NOP53: variants seen among roughly 807,000 people sequenced by gnomAD.
NOP53 encodes ribosome biogenesis protein NOP53.
Under a neutral mutation model 61.0 loss-of-function variants are expected in NOP53, and 40 were observed. That is an observed-to-expected ratio of 0.66 (90% CI 0.51 to 0.85). NOP53 has a LOEUF of 0.85. Among genes scored for constraint, NOP53 ranks in the 40% least tolerant of loss-of-function variants. The pLI, the probability that NOP53 is intolerant of heterozygous loss-of-function variation, is 0.00. For missense variants in NOP53, 689 were observed against 652.9 expected (o/e 1.06, Z -0.60); for synonymous variants, 308 against 289.5 (o/e 1.06, Z -0.65).
At chr19:47,751,470 C>A in intron 4 of NOP53, 50 bp from the exon 5 acceptor site, 1 of 1,423,100 alleles carries the variant, frequency 7.0e-7, no homozygotes, top group Non-Finnish European at 9.9e-7. Context: ...GCCTTTGGTG[C>A]CTCTTCCATG....
chr19:47,753,912 C>G (rs950133066), intron 6 of NOP53: 1 of 152,372 alleles, frequency 6.6e-6, no homozygotes, highest in Non-Finnish European at 1.5e-5. Flanking sequence ...CCCCGCAATT[C>G]CCTGTCTCGT....
chr19:47,749,299 C>T (rs559400056), intron 2 of NOP53, among the ~76,000 whole-genome samples: 10 of 152,054 alleles, frequency 6.6e-5, no homozygotes, highest in Non-Finnish European at 1.2e-4. Context: ...CGTGCTTTGG[C>T]GAGTGGGAAG....
intron 1 of NOP53, 38 bp downstream of exon 1, chr19:47,745,821 C>T (rs1019416918): frequency 1.5e-6 from 2 of 1,299,484 alleles, no homozygotes; most frequent in African/African-American, 1.6e-5. Context: ...GGGACGGTTC[C>T]TGCGCCCAGG....
At chr19:47,751,838 A>C (rs1599917122) in intron 5 of NOP53, among the ~76,000 whole-genome samples, 1 of 152,288 alleles carries the variant, frequency 6.6e-6, no homozygotes, top group East Asian at 1.9e-4. Context: ...ATGGTGGCTC[A>C]CGCCTGTAAT....
rs117322163 is a variant in NOP53 at position 47,751,782 on chromosome 19, T to G, written c.669+192T>G. ...CTGATCCTGGGAAGGTGGTCTCACCTTTCTGCAACCTATATCTTCCTCTAA... is the reference window on the plus strand; with the variant it reads ...CTGATCCTGGGAAGGTGGTCTCACCGTTCTGCAACCTATATCTTCCTCTAA... On this transcript the variant is annotated intron_variant, in intron 5 of 12. Transcript: ENST00000246802. Among the ~76,000 whole-genome samples, 815 of 152,248 alleles carry G rather than the reference T, an allele frequency of 5.4e-3. 6 individuals carry two copies. Among genetic ancestry groups the G allele is most frequent in the Non-Finnish European group, 9.6e-3 (650 of 68,020 alleles).
At chr19:47,748,670 G>A (rs138550342) in intron 2 of NOP53, among the ~76,000 whole-genome samples, 64 of 152,216 alleles carry the variant, frequency 4.2e-4, no homozygotes, top group South Asian at 1.9e-3. Context: ...GAGGTGGGGC[G>A]GATCACTTGA....
intron 2 of NOP53, among the ~76,000 whole-genome samples, chr19:47,749,148 A>G (rs1188812095): frequency 4.6e-5 from 7 of 151,672 alleles, no homozygotes; most frequent in Admixed American, 6.6e-5. Flanking sequence ...CCTGGGTTAC[A>G]AGACTCTGTC....
chr19:47,751,952 A>G (rs889251474), intron 5 of NOP53, among the ~76,000 whole-genome samples: 4 of 151,986 alleles, frequency 2.6e-5, no homozygotes, highest in African/African-American at 9.7e-5. Flanking sequence ...AAATACAAAA[A>G]AAAAATTAGC....
rs757576784 is a variant in NOP53 at position 47,750,276 on chromosome 19, G to C, written c.388G>C (p.Ala130Pro). The part of the protein sequence containing the change: ...LILENTSKVP[A>P]PKDVLAHQVP... ...CCTCGAGAACACATCCAAAGTCCCT[G>C]CCCCCAAAGAGTGAGTGTCCCAGCA... The change falls in exon 3 of 13, where the codon GCC (alanine) becomes CCC (proline). Residue 130 changes from alanine (A) to proline (P), a missense_variant. Physicochemically the swap from Ala to Pro is conservative, Grantham distance 27. Transcript: ENST00000246802. The C allele has an allele frequency of 6.3e-7, 1 of 1,596,978 alleles. No individual in the cohort carries two copies.
At chr19:47,746,598 C>T (rs944973330) in intron 1 of NOP53, 5 of 172,554 alleles carry the variant, frequency 2.9e-5, no homozygotes, top group East Asian at 3.5e-4. Context: ...AACTCCTGAC[C>T]TTAGGTGATC....
At position 47,754,564 on chromosome 19, in the gene NOP53, G is replaced by A. The variant is rs375712695; in HGVS notation, c.803G>A (p.Arg268Gln). 1.2e-4 allele frequency: 183 copies of A among 1,552,472 alleles called. 1 individual carries two copies. The South Asian group carries it at 1.8e-3, about 15-fold the overall frequency. Reference protein sequence around the residue: ...LSAAHEVELQRQKEAEKLERQ... With the variant: ...LSAAHEVELQQQKEAEKLERQ... The stretch of plus-strand genomic sequence containing the variant: ...GCGGCCCACGAGGTGGAGTTGCAGC[G>A]GCAGAAGGAGGCGGAGAAGCTGGAG... Residue 268 changes from arginine to glutamine, a missense_variant, in exon 7 of 13, where the codon CGG becomes CAG. By Grantham distance (43) the Arg-to-Gln change is conservative. Coordinates refer to ENST00000246802, the MANE Select transcript of NOP53 (RefSeq NM_015710.5). The surrounding 1 kb of genome is among the most constrained non-coding windows in gnomAD (Gnocchi z 4.2).
intron 12 of NOP53, 124 bp from the exon 13 acceptor site, chr19:47,756,875 G>A: frequency 1.3e-6 from 2 of 1,515,832 alleles, no homozygotes; most frequent in South Asian, 2.2e-5. Flanking sequence ...CCCAGAAGAG[G>A]CCCTGAAACC....
rs1182062781 is a variant in NOP53 at position 47,754,322 on chromosome 19, G to A, written c.766-205G>A. The A allele has an allele frequency of 1.6e-5, 9 of 577,506 alleles. No homozygotes were observed. The highest frequency in any genetic ancestry group is 1.9e-5 in the African/African-American group (1 of 53,378). 35.8% of individuals were successfully genotyped at this position (577,506 alleles called of 1,614,324 possible). A position where few individuals can be genotyped will look rare whatever the true frequency, so the allele number is the denominator to read the frequency against. On this transcript the variant is annotated intron_variant, in intron 6 of 12. Coordinates refer to ENST00000246802, the MANE Select transcript of NOP53 (RefSeq NM_015710.5). This position sits in a 1 kb window ranked among gnomAD's most constrained non-coding sequence, Gnocchi z 4.2. ...TGCAGGTCAGACTGCCTTCACAGAC[G>A]TGCAGAGCAGGTGTGAGGGCGAGGG...
intron 10 of NOP53, chr19:47,756,308 C>A: frequency 1.7e-6 from 1 of 588,642 alleles, no homozygotes. Context: ...CAGCCCACTT[C>A]CCGTGACTCC....
At chr19:47,756,953 T>TG (rs1568601464) in intron 12 of NOP53, 46 bp from the exon 13 acceptor site, 1 of 1,613,156 alleles carries the variant, frequency 6.2e-7, no homozygotes, top group Non-Finnish European at 8.5e-7. Flanking sequence ...GCAGGGGGTA[T>TG]GGGGCACCCT....
At chr19:47,750,858 T>C (rs758959347) in intron 3 of NOP53, 50 bp from the exon 4 acceptor site, 1 of 1,493,974 alleles carries the variant, frequency 6.7e-7, no homozygotes, top group East Asian at 2.4e-5. Flanking sequence ...CCTGCTGCCG[T>C]TCAGGCTGCC....
rs1426611076 is a variant in NOP53, at chr19:47,750,903, A to T, written c.399-5A>T. The T allele has an allele frequency of 6.3e-7, 1 of 1,579,480 alleles. No homozygotes were observed. Among genetic ancestry groups the T allele is most frequent in the African/African-American group, 1.3e-5 (1 of 74,406 alleles). Reference sequence around the variant, plus strand: ...GCTGCACTTGTGCCCCCTCTCCCCGACCAGCGTCCTCGCCCACCAGGTCCC... The same window carrying T: ...GCTGCACTTGTGCCCCCTCTCCCCGTCCAGCGTCCTCGCCCACCAGGTCCC... On this transcript the variant is annotated splice_polypyrimidine_tract_variant and splice_region_variant and intron_variant, in intron 3 of 12. Transcript: ENST00000246802.
intron 1 of NOP53, chr19:47,746,720 C>T (rs1328894129): frequency 1.3e-5 from 5 of 378,416 alleles, no homozygotes; most frequent in Non-Finnish European, 2.4e-5. Flanking sequence ...CCAGGCTGCT[C>T]TTGAACTCCT....
chr19:47,755,969 G>A (rs1295077534), intron 10 of NOP53, 147 bp downstream of exon 10: 5 of 630,520 alleles, frequency 7.9e-6, no homozygotes, highest in Non-Finnish European at 1.4e-5. Context: ...GGCACGGGAT[G>A]CTGGGATGAG....
Sources: allele counts gnomAD v4.1 joint callset (sites outside exome capture counted in the v4.1 genomes callset), GRCh38; gene constraint gnomAD v4.1.1; non-coding constraint Gnocchi (gnomAD v3.1); transcripts MANE v1.5; gene names NCBI Gene and HGNC (gene_info 2026-07-23, HGNC 2026-07-21).